The following ATP9B variants were observed in gnomAD, a reference collection of about 807,000 sequenced individuals.
ATP9B encodes the protein probable phospholipid-transporting ATPase IIB.
In ATP9B, 110 loss-of-function variants were observed where a neutral mutation model predicts 146.1. The observed-to-expected ratio is 0.75, with a 90% CI of 0.65 to 0.88. The LOEUF (loss-of-function observed/expected upper bound fraction) is 0.88, where lower values mean the gene tolerates loss of function less well. Among genes scored for constraint, ATP9B ranks in the 40% least tolerant of loss-of-function variants. The probability of loss-of-function intolerance (pLI) is 0.00; values close to 1 mark genes in which losing one functional copy is unlikely to be tolerated. For missense variants in ATP9B, 1,499 were observed against 1,496.4 expected, an observed-to-expected ratio of 1.00 and a Z score of -0.03; for synonymous variants, 604 against 569.7, an observed-to-expected ratio of 1.06 and a Z score of -0.86.
chr18:79,296,445 C>T (rs2096548180), intron 13 of ATP9B, among the ~76,000 whole-genome samples: 1 of 152,176 alleles, frequency 6.6e-6, no homozygotes. Context: ...GTTGCCAAAC[C>T]TGTGGTGAGA....
At chr18:79,108,753 T>G (rs1377221904) in intron 2 of ATP9B, among the ~76,000 whole-genome samples, 1 of 152,300 alleles carries the variant, frequency 6.6e-6, no homozygotes, top group East Asian at 1.9e-4. Context: ...CTCTGACCTT[T>G]CAGTGTGAGG....
At chr18:79,308,170 AAGAC>A (rs1380133278) in intron 15 of ATP9B, among the ~76,000 whole-genome samples, 1 of 152,196 alleles carries the variant, frequency 6.6e-6, no homozygotes, top group African/African-American at 2.4e-5. Flanking sequence ...AGGAATCAAA[AAGAC>A]AGACCATAGC....
intron 1 of ATP9B, among the ~76,000 whole-genome samples, chr18:79,088,139 A>G (rs1017453819): frequency 6.6e-6 from 1 of 152,232 alleles, no homozygotes; most frequent in Non-Finnish European, 1.5e-5. Flanking sequence ...CAAAGGCTCC[A>G]TTTCTGGAGT....
chr18:79,293,750 T>A (rs986314982), intron 13 of ATP9B, among the ~76,000 whole-genome samples: 3 of 152,234 alleles, frequency 2.0e-5, no homozygotes, highest in African/African-American at 7.2e-5. Context: ...AGTAACTGAA[T>A]AAGACTTTTG....
intron 4 of ATP9B, among the ~76,000 whole-genome samples, chr18:79,124,974 TGTG>T (rs1289169675): frequency 1.3e-5 from 2 of 152,054 alleles, no homozygotes; most frequent in African/African-American, 2.4e-5. Flanking sequence ...GCCAGGAGAA[TGTG>T]GTGTCCAGGA....
At chr18:79,155,862 A>G (rs537191075) in intron 7 of ATP9B, among the ~76,000 whole-genome samples, 7 of 139,864 alleles carry the variant, frequency 5.0e-5, no homozygotes, top group Admixed American at 4.8e-4. Context: ...TCCTGGGTTC[A>G]TGCCACTCCC....
rs1445874451 is a variant in ATP9B, at chr18:79,323,305, C to A, written c.1774-5836C>A. On this transcript the variant is annotated intron_variant, in intron 15 of 29. Transcript: ENST00000426216. ...GCGTTAGTAATATTGCAGTTCCATT[C>A]TTAGTTATTGTAAAATATACATAAA... is the stretch of plus-strand genomic sequence containing the variant. 4.6e-5 allele frequency among the ~76,000 whole-genome samples: 7 copies of A among 152,144 alleles called. No homozygotes were observed. The South Asian group carries it at 1.0e-3, about 23-fold the overall frequency.
intron 4 of ATP9B, among the ~76,000 whole-genome samples, chr18:79,118,925 A>T (rs745847756): frequency 8.6e-5 from 13 of 151,926 alleles, no homozygotes; most frequent in Admixed American, 3.9e-4. Context: ...AGAAAGATTA[A>T]TTGTGTGTGG....
intron 13 of ATP9B, among the ~76,000 whole-genome samples, chr18:79,289,252 C>T (rs1599649863): frequency 6.6e-6 from 1 of 152,170 alleles, no homozygotes; most frequent in Admixed American, 6.5e-5. Context: ...TCAGGTACGC[C>T]AATCAGACGG....
chr18:79,084,248 C>T (rs985807521), intron 1 of ATP9B, among the ~76,000 whole-genome samples: 9 of 151,820 alleles, frequency 5.9e-5, no homozygotes, highest in African/African-American at 1.9e-4. Flanking sequence ...AAGTTTGTAC[C>T]CCGTTGGGTA....
intron 15 of ATP9B, among the ~76,000 whole-genome samples, chr18:79,324,080 C>T (rs974641358): frequency 4.6e-5 from 7 of 152,102 alleles, no homozygotes; most frequent in African/African-American, 1.7e-4. Flanking sequence ...ACCTGTTGGC[C>T]GTTTGTGTGT....
chr18:79,212,007 T>C (rs962420568), intron 10 of ATP9B, among the ~76,000 whole-genome samples: 6 of 152,222 alleles, frequency 3.9e-5, no homozygotes, highest in African/African-American at 1.4e-4. Flanking sequence ...GAGTTTATCA[T>C]ACTTTGTTGC....
intron 25 of ATP9B, among the ~76,000 whole-genome samples, chr18:79,349,804 C>G (rs1452170020): frequency 1.3e-5 from 2 of 152,094 alleles, no homozygotes. Flanking sequence ...TTCAGGTCCT[C>G]TCTGTCCTCT....
At chr18:79,271,484 C>G (rs1212268908) in intron 12 of ATP9B, among the ~76,000 whole-genome samples, 2 of 150,808 alleles carry the variant, frequency 1.3e-5, no homozygotes. Flanking sequence ...TGAGAACATG[C>G]GGTGTTTGGT....
chr18:79,117,469 ACAGT>A (rs1357807361), intron 4 of ATP9B: 2 of 152,272 alleles, frequency 1.3e-5, no homozygotes, highest in African/African-American at 2.4e-5. Flanking sequence ...TACTGGTAAA[ACAGT>A]CAGATATGAA....
At chr18:79,304,834 C>T (rs562406576) in intron 14 of ATP9B, among the ~76,000 whole-genome samples, 12 of 152,364 alleles carry the variant, frequency 7.9e-5, no homozygotes, top group African/African-American at 2.9e-4. Flanking sequence ...ATTTAAGAGA[C>T]TAGCAGACAA....
At chr18:79,299,291 C>G (rs562855122) in intron 13 of ATP9B, among the ~76,000 whole-genome samples, 1 of 152,108 alleles carries the variant, frequency 6.6e-6, no homozygotes, top group Non-Finnish European at 1.5e-5. Flanking sequence ...CTAGAGAGCT[C>G]CTCACCCCCT....
chr18:79,144,884 A>T (rs2094559332), intron 6 of ATP9B: 1 of 157,522 alleles, frequency 6.3e-6, no homozygotes, highest in East Asian at 1.9e-4. Flanking sequence ...TTAAGAGGGA[A>T]AAGTGAATAG....
At chr18:79,181,464 A>T (rs1027935310) in intron 8 of ATP9B, among the ~76,000 whole-genome samples, 5 of 152,164 alleles carry the variant, frequency 3.3e-5, no homozygotes, top group African/African-American at 7.2e-5. Context: ...CAACAGAATT[A>T]GTCTAACTAC....
Sources: gnomAD v4.1 joint callset for allele counts (sites outside exome capture counted in the v4.1 genomes callset) on GRCh38, gnomAD v4.1.1 for gene constraint, MANE v1.5 for transcripts, NCBI Gene and HGNC (gene_info 2026-07-23, HGNC 2026-07-21) for gene names.